The following CNTN3 variants were observed in gnomAD, a reference collection of about 807,000 sequenced individuals.
The protein encoded by CNTN3 is contactin-3.
In CNTN3, 60 loss-of-function variants were observed where a neutral mutation model predicts 119.1. That is an observed-to-expected ratio of 0.50 (90% CI 0.41 to 0.62). CNTN3 has a LOEUF of 0.62. CNTN3 is among the 20% of genes least tolerant of loss of function. CNTN3 has a pLI of 0.00. For synonymous variants in CNTN3, 450 were observed against 438.7 expected, an observed-to-expected ratio of 1.03 and a Z score of -0.32; for missense variants, 1,101 against 1,242.4, an observed-to-expected ratio of 0.89 and a Z score of 1.71.
At chr3:74,264,747 G>A (rs1233302269) in intron 22 of CNTN3, among the ~76,000 whole-genome samples, 1 of 152,058 alleles carries the variant, frequency 6.6e-6, no homozygotes, top group Non-Finnish European at 1.5e-5. Flanking sequence ...TAAGCCACCT[G>A]TCTAGGTAGT....
intron 1 of CNTN3, among the ~76,000 whole-genome samples, chr3:74,532,212 T>A (rs1277758407): frequency 1.3e-5 from 2 of 151,952 alleles, no homozygotes; most frequent in Non-Finnish European, 2.9e-5. Context: ...AATCAGCTAT[T>A]CTTTCAATAA....
intron 1 of CNTN3, among the ~76,000 whole-genome samples, chr3:74,552,118 A>G (rs1040660115): frequency 6.6e-6 from 1 of 151,990 alleles, no homozygotes; most frequent in African/African-American, 2.4e-5. Flanking sequence ...ATGTCTTTTC[A>G]TGGCCAGTGG....
chr3:74,603,004 G>A (rs921232424), intron 1 of CNTN3, among the ~76,000 whole-genome samples: 4 of 152,104 alleles, frequency 2.6e-5, no homozygotes, highest in African/African-American at 9.7e-5. Context: ...AAAGGCAGAG[G>A]GGGACCCTAA....
At chr3:74,323,019 G>A (rs977817901) in intron 13 of CNTN3, among the ~76,000 whole-genome samples, 4 of 152,202 alleles carry the variant, frequency 2.6e-5, no homozygotes, top group Non-Finnish European at 5.9e-5. Flanking sequence ...GCAGGGTACA[G>A]AGGATTTTTA....
intron 4 of CNTN3, among the ~76,000 whole-genome samples, chr3:74,434,134 C>T (rs148701853): frequency 1.1e-4 from 16 of 152,274 alleles, no homozygotes; most frequent in African/African-American, 3.6e-4. Context: ...ATTAGAACAT[C>T]AGGATATTCT....
chr3:74,483,518 C>G (rs1235312743), intron 4 of CNTN3, among the ~76,000 whole-genome samples: 4 of 152,084 alleles, frequency 2.6e-5, no homozygotes, highest in Non-Finnish European at 5.9e-5. Flanking sequence ...TTGCAGAGAG[C>G]AACCTGGGGG....
At chr3:74,486,700 A>T (rs1244688937) in intron 3 of CNTN3, 69 bp from the exon 4 acceptor site, 1 of 1,293,300 alleles carries the variant, frequency 7.7e-7, no homozygotes, top group African/African-American at 1.5e-5. Flanking sequence ...TCCATTATAA[A>T]ATCTACTTTA....
intron 13 of CNTN3, among the ~76,000 whole-genome samples, chr3:74,327,128 T>TG (rs1191404866): frequency 3.9e-4 from 56 of 142,202 alleles, no homozygotes; most frequent in Middle Eastern, 3.6e-3. Context: ...TTTTTTTTTT[T>TG]TTTGTTTGTT....
At chr3:74,473,486 A>T (rs1702601830) in intron 4 of CNTN3, among the ~76,000 whole-genome samples, 1 of 152,200 alleles carries the variant, frequency 6.6e-6, no homozygotes, top group South Asian at 2.1e-4. Context: ...AGTAAAGAAC[A>T]GATTCTGCTT....
chr3:74,301,887 T>C lies in CNTN3; in HGVS notation c.1787-82A>G, dbSNP rs1702466773. On this transcript the variant is annotated intron_variant, in intron 14 of 22. Transcript: ENST00000263665. Reference sequence around the variant, plus strand: ...CTATCAAAGAGAAGAGAATGTCACATGACCACTTCAATATCTCTGACTTTT... The same window carrying C: ...CTATCAAAGAGAAGAGAATGTCACACGACCACTTCAATATCTCTGACTTTT... The C allele has an allele frequency of 2.1e-6, 3 of 1,459,186 alleles. No homozygotes were observed. In the Admixed American group the frequency reaches 5.6e-5, roughly 27 times the overall value. 90.4% of individuals were successfully genotyped at this position (1,459,186 alleles called of 1,614,324 possible). A position where few individuals can be genotyped will look rare whatever the true frequency, so the allele number is the denominator to read the frequency against.
intron 4 of CNTN3, among the ~76,000 whole-genome samples, chr3:74,470,709 G>A (rs528628901): frequency 1.3e-5 from 2 of 152,230 alleles, no homozygotes; most frequent in East Asian, 3.9e-4. Flanking sequence ...TTAAATCAAT[G>A]TGTTTAATAA....
chr3:74,376,611 T>C (rs1019323197), intron 5 of CNTN3, among the ~76,000 whole-genome samples: 5 of 152,148 alleles, frequency 3.3e-5, no homozygotes, highest in African/African-American at 1.2e-4. Context: ...ATAATTATTA[T>C]ATATTACAAT....
chr3:74,539,520 A>T (rs1575816684), intron 1 of CNTN3, among the ~76,000 whole-genome samples: 2 of 152,134 alleles, frequency 1.3e-5, no homozygotes, highest in East Asian at 3.9e-4. Context: ...TTGAGCTGCT[A>T]TGTTTCCACC....
chr3:74,441,490 G>A (rs933637804), intron 4 of CNTN3, among the ~76,000 whole-genome samples: 2 of 152,118 alleles, frequency 1.3e-5, no homozygotes, highest in Admixed American at 6.5e-5. Flanking sequence ...CTTCAGAAAT[G>A]CATTACACAG....
intron 1 of CNTN3, among the ~76,000 whole-genome samples, chr3:74,607,005 C>T (rs183995907): frequency 6.6e-6 from 1 of 152,198 alleles, no homozygotes; most frequent in South Asian, 2.1e-4. Flanking sequence ...AAACTTGGGC[C>T]TGCATGGCTC....
intron 13 of CNTN3, among the ~76,000 whole-genome samples, chr3:74,311,671 C>G (rs1009746064): frequency 2.0e-5 from 3 of 152,272 alleles, no homozygotes; most frequent in East Asian, 3.9e-4. Flanking sequence ...AGACAAGTAA[C>G]CCAATTAAAA....
intron 1 of CNTN3, among the ~76,000 whole-genome samples, chr3:74,534,746 C>T (rs1397799295): frequency 2.6e-5 from 4 of 151,988 alleles, no homozygotes; most frequent in Non-Finnish European, 5.9e-5. Context: ...GGCAGAATGA[C>T]TTACAGTTAA....
At position 74,556,711 on chromosome 3, in the gene CNTN3, C is replaced by A. The variant is rs1232526884; in HGVS notation, c.-80-35519G>T. On this transcript the variant is annotated intron_variant, in intron 1 of 22. Transcript: ENST00000263665. ...CTATATTTAACATTTTCAGGAACTG[C>A]CAGACTGTTTTCCAATGTAACTCCA... Among the ~76,000 whole-genome samples the A allele has an allele frequency of 6.6e-5, 10 of 152,262 alleles. No homozygotes were observed. The East Asian group carries it at 1.9e-3, about 29-fold the overall frequency.
At chr3:74,582,393 G>A (rs1434359745) in intron 1 of CNTN3, among the ~76,000 whole-genome samples, 4 of 106,318 alleles carry the variant, frequency 3.8e-5, no homozygotes, top group South Asian at 3.6e-4. Flanking sequence ...GCGACAGAGC[G>A]AGACTCCGTC....
Sources: allele counts gnomAD v4.1 joint callset (sites outside exome capture counted in the v4.1 genomes callset), GRCh38; gene constraint gnomAD v4.1.1; transcripts MANE v1.5; gene names NCBI Gene and HGNC (gene_info 2026-07-23, HGNC 2026-07-21).